The following TMA16 variants were observed in gnomAD, a reference collection of about 807,000 sequenced individuals.
The protein encoded by TMA16 is translation machinery associated 16 homolog.
TMA16 carries 26 observed loss-of-function variants against 27.1 expected under a neutral mutation model. The ratio of observed to expected loss-of-function variants is 0.96; its 90% CI spans 0.70 to 1.33. TMA16 has a LOEUF of 1.33. Among genes scored for constraint, TMA16 ranks in the 40% most tolerant of loss-of-function variants. The probability of loss-of-function intolerance (pLI) is 0.00; values close to 1 mark genes in which losing one functional copy is unlikely to be tolerated. For missense variants in TMA16, 233 were observed against 241.4 expected (o/e 0.97, Z 0.23); for synonymous variants, 71 against 81.9 (o/e 0.87, Z 0.72).
chr4:163,517,804 G>GA (rs1389094520), intron 6 of TMA16, among the ~76,000 whole-genome samples: 1 of 152,064 alleles, frequency 6.6e-6, no homozygotes, highest in African/African-American at 2.4e-5. Context: ...TGATGGCTCA[G>GA]AGTCATATCC....
In TMA16 at chr4:163,515,477, T is replaced by C; in HGVS notation, c.388+16T>C. ...TATGGCCTTGGTGTGCTCACTGATT[T>C]TTTATTTTCCTTTTATATGACATAG... On this transcript the variant is annotated intron_variant, in intron 5 of 6. Coordinates refer to ENST00000358572, the MANE Select transcript of TMA16 (RefSeq NM_018352.3). 1 of 1,600,774 alleles carries C rather than the reference T, an allele frequency of 6.2e-7. No individual in the cohort carries two copies. The highest frequency in any genetic ancestry group is 8.5e-7 in the Non-Finnish European group (1 of 1,175,422).
In TMA16 at chr4:163,520,056, C is replaced by A. The variant is rs566502120; in HGVS notation, c.*542C>A. 1.7e-5 allele frequency: 10 copies of A among 583,016 alleles called. No homozygotes were observed. Among genetic ancestry groups the A allele is most frequent in the Non-Finnish European group, 3.1e-5 (10 of 323,476 alleles). 36.1% of individuals were successfully genotyped at this position (583,016 alleles called of 1,614,324 possible). On this transcript the variant is annotated 3_prime_UTR_variant, in exon 7 of 7. Coordinates refer to ENST00000358572, the MANE Select transcript of TMA16 (RefSeq NM_018352.3). ...TTATTATTTATCTTTTGAACCAGAG[C>A]TAAATGGTAAAAGAAAAAAAATCAG... is the stretch of plus-strand genomic sequence containing the variant.
chr4:163,500,223 T>G (rs1737630304), intron 1 of TMA16, among the ~76,000 whole-genome samples: 1 of 150,586 alleles, frequency 6.6e-6, no homozygotes, highest in African/African-American at 2.4e-5. Flanking sequence ...TTTTTTTTTT[T>G]TTTTTGAGTA....
Position 163,498,449 on chromosome 4 carries a change from G to A in TMA16, c.3+3645G>A, listed in dbSNP as rs1412543605. On this transcript the variant is annotated intron_variant, in intron 1 of 6. Transcript: ENST00000358572. ...ACTACAGGTGCCCGCCACCACGCCC[G>A]GCTAATTTTTTGTATTTTTAGTAGA... 3.3e-5 allele frequency among the ~76,000 whole-genome samples: 5 copies of A among 151,672 alleles called. No homozygotes were observed. The East Asian group carries it at 7.8e-4, about 24-fold the overall frequency.
intron 2 of TMA16, among the ~76,000 whole-genome samples, chr4:163,512,067 A>C (rs1340282801): frequency 6.6e-6 from 1 of 151,906 alleles, no homozygotes; most frequent in East Asian, 1.9e-4. Flanking sequence ...TCTCAGCTTA[A>C]AATTTACTTC....
At chr4:163,496,445 G>A (rs1462728092) in intron 1 of TMA16, among the ~76,000 whole-genome samples, 1 of 152,004 alleles carries the variant, frequency 6.6e-6, no homozygotes, top group Non-Finnish European at 1.5e-5. Flanking sequence ...GCTCATTAAT[G>A]TTCTCTTATT....
At chr4:163,504,714 A>G (rs1189567164) in intron 1 of TMA16, among the ~76,000 whole-genome samples, 1 of 152,058 alleles carries the variant, frequency 6.6e-6, no homozygotes, top group Non-Finnish European at 1.5e-5. Context: ...GCCAGGCTGG[A>G]CTTGAACTCC....
At chr4:163,517,620 A>G (rs1165791693) in intron 6 of TMA16, 144 bp downstream of exon 6, 3 of 675,348 alleles carry the variant, frequency 4.4e-6, no homozygotes, top group African/African-American at 1.9e-5. Flanking sequence ...CCAAGTAAGA[A>G]TTTTCTGAAG....
Position 163,517,490 on chromosome 4 carries a change from G to T in TMA16, c.431+14G>T, listed in dbSNP as rs1737898940. ...GAAAACATTTAGGTGAGTCTGTCTT[G>T]TATTGTTCCCCTGAAGCTGTGTGTA... On this transcript the variant is annotated intron_variant, in intron 6 of 6. Coordinates refer to ENST00000358572, the MANE Select transcript of TMA16 (RefSeq NM_018352.3). The T allele has an allele frequency of 4.3e-6, 7 of 1,611,542 alleles. No individual in the cohort carries two copies. Among genetic ancestry groups the T allele is most frequent in the Non-Finnish European group, 5.9e-6 (7 of 1,178,790 alleles).
At chr4:163,496,541 A>T (rs1306420845) in intron 1 of TMA16, among the ~76,000 whole-genome samples, 1 of 152,162 alleles carries the variant, frequency 6.6e-6, no homozygotes, top group Non-Finnish European at 1.5e-5. Context: ...TTTTCAAATT[A>T]ATCCATTCCA....
At chr4:163,509,526 G>A (rs1737761878) in intron 2 of TMA16, among the ~76,000 whole-genome samples, 1 of 152,140 alleles carries the variant, frequency 6.6e-6, no homozygotes, top group Non-Finnish European at 1.5e-5. Flanking sequence ...TCTTTCACAA[G>A]CCTGCAGCTA....
chr4:163,501,319 T>G (rs145784963), intron 1 of TMA16, among the ~76,000 whole-genome samples: 301 of 152,322 alleles, frequency 2.0e-3, no homozygotes, highest in African/African-American at 7.0e-3. Context: ...ACCACGCTAC[T>G]TCTTTCTTAG....
chr4:163,517,323 G>T, intron 5 of TMA16, 111 bp from the exon 6 acceptor site: 2 of 1,073,506 alleles, frequency 1.9e-6, no homozygotes, highest in Non-Finnish European at 1.4e-6. Context: ...GCAATACTTC[G>T]AAATTTTGTT....
At chr4:163,517,328 T>G in intron 5 of TMA16, 106 bp from the exon 6 acceptor site, 2 of 1,130,168 alleles carry the variant, frequency 1.8e-6, no homozygotes, top group East Asian at 2.5e-5. Flanking sequence ...ACTTCGAAAT[T>G]TTGTTTTCTG....
intron 4 of TMA16, among the ~76,000 whole-genome samples, chr4:163,514,468 T>A (rs189701352): frequency 6.6e-5 from 10 of 152,116 alleles, no homozygotes; most frequent in Non-Finnish European, 1.3e-4. Flanking sequence ...AAGAAGAATA[T>A]TTAAAAATGC....
chr4:163,508,814 T>C (rs1397720610), intron 2 of TMA16, among the ~76,000 whole-genome samples: 1 of 152,214 alleles, frequency 6.6e-6, no homozygotes. Flanking sequence ...TTGTATGTTG[T>C]CAGGTATATT....
At chr4:163,507,003 A>G (rs1215880050) in intron 1 of TMA16, 30 bp from the exon 2 acceptor site, 3 of 1,538,996 alleles carry the variant, frequency 1.9e-6, no homozygotes, top group South Asian at 2.4e-5. Context: ...ATATCTGACT[A>G]TATGTGTCAT....
At chr4:163,516,561 G>A (rs1483040238) in intron 5 of TMA16, among the ~76,000 whole-genome samples, 3 of 152,078 alleles carry the variant, frequency 2.0e-5, no homozygotes, top group African/African-American at 7.2e-5. Context: ...ACATTGTATT[G>A]AATTGGCCAG....
At chr4:163,512,904 ATTTC>A in intron 3 of TMA16, 45 bp downstream of exon 3, 11 of 1,463,922 alleles carry the variant, frequency 7.5e-6, no homozygotes, top group Non-Finnish European at 1.0e-5. Context: ...AGTATAGGGC[ATTTC>A]TGCCCTATAC....
Sources: allele counts gnomAD v4.1 joint callset (sites outside exome capture counted in the v4.1 genomes callset), GRCh38; gene constraint gnomAD v4.1.1; transcripts MANE v1.5; gene names NCBI Gene and HGNC (gene_info 2026-07-23, HGNC 2026-07-21).